Variants in COL22A1 observed in about 807,000 individuals in gnomAD.
COL22A1 encodes the protein collagen type XXII alpha 1 chain.
A neutral mutation model predicts 248.9 loss-of-function variants in COL22A1; 221 were observed. The observed-to-expected ratio is 0.89, with a 90% confidence interval of 0.80 to 0.99. The LOEUF is 0.99. Among genes scored for constraint, COL22A1 ranks in the 50% least tolerant of loss-of-function variants. The pLI, the probability that COL22A1 is intolerant of heterozygous loss-of-function variation, is 0.00. For missense variants in COL22A1, 2,240 were observed against 2,179.0 expected, an observed-to-expected ratio of 1.03 and a Z score of -0.56; for synonymous variants, 891 against 793.4, an observed-to-expected ratio of 1.12 and a Z score of -2.07.
At chr8:138,722,184 C>G in intron 25 of COL22A1, 95 bp from the exon 26 acceptor site, 1 of 1,073,336 alleles carries the variant, frequency 9.3e-7, no homozygotes, top group Non-Finnish European at 1.3e-6. Flanking sequence ...TTTTTGCAGC[C>G]AGAATGCAGG....
chr8:138,865,886 T>C (rs1176532394), intron 3 of COL22A1, among the ~76,000 whole-genome samples: 2 of 151,870 alleles, frequency 1.3e-5, no homozygotes, highest in African/African-American at 4.8e-5. Flanking sequence ...TGTGTATGTG[T>C]ATGTGTGTGC....
At chr8:138,634,027 C>T (rs1243334437) in intron 49 of COL22A1, among the ~76,000 whole-genome samples, 1 of 152,098 alleles carries the variant, frequency 6.6e-6, no homozygotes, top group Non-Finnish European at 1.5e-5. Context: ...AGATAATTTA[C>T]CTTTTTGTGA....
chr8:138,723,736 G>A (rs1469174067), intron 25 of COL22A1, among the ~76,000 whole-genome samples: 2 of 152,222 alleles, frequency 1.3e-5, no homozygotes, highest in Non-Finnish European at 2.9e-5. Context: ...AGTGCCCAGC[G>A]CGGCACTGAA....
At chr8:138,593,544 A>G (rs1191042508) in intron 63 of COL22A1, among the ~76,000 whole-genome samples, 2 of 152,156 alleles carry the variant, frequency 1.3e-5, no homozygotes, top group Non-Finnish European at 2.9e-5. Flanking sequence ...GAGTTAAATC[A>G]TATGGCCTCC....
intron 51 of COL22A1, 98 bp from the exon 52 acceptor site, chr8:138,623,883 C>T: frequency 9.9e-7 from 1 of 1,011,472 alleles, no homozygotes; most frequent in Non-Finnish European, 1.5e-6. Flanking sequence ...CAGCTTCCAG[C>T]AGTTGCCTTC....
At chr8:138,662,634 A>C (rs1199424703) in intron 42 of COL22A1, among the ~76,000 whole-genome samples, 7 of 152,114 alleles carry the variant, frequency 4.6e-5, no homozygotes, top group African/African-American at 9.7e-5. Flanking sequence ...AGTTGGTCTA[A>C]AAGTGGGAAT....
rs182500058 is a variant in COL22A1, at chr8:138,709,471, G to T, written c.2518-6124C>A. ...TACTACGCAGCCATAAAAAGGATGA[G>T]TTCATGTCCTTTGTAGGGACATGGA... On this transcript the variant is annotated intron_variant, in intron 30 of 64. Transcript: ENST00000303045. Among the ~76,000 whole-genome samples, 32 of 152,172 alleles carry T rather than the reference G, an allele frequency of 2.1e-4. No individual in the cohort carries two copies. The East Asian group carries it at 5.2e-3, about 25-fold the overall frequency.
At chr8:138,795,143 G>T (rs1449063139) in intron 12 of COL22A1, among the ~76,000 whole-genome samples, 1 of 152,106 alleles carries the variant, frequency 6.6e-6, no homozygotes, top group East Asian at 1.9e-4. Flanking sequence ...TGAGCATTTG[G>T]TTCCTGGTGC....
rs144261478 is a variant in COL22A1, at chr8:138,832,573, G to A, written c.845+466C>T. Among the ~76,000 whole-genome samples the A allele has an allele frequency of 4.8e-3, 726 of 152,146 alleles. 5 individuals are homozygous for A. The highest frequency in any genetic ancestry group is 7.4e-3 in the Non-Finnish European group (506 of 68,018). On this transcript the variant is annotated intron_variant, in intron 5 of 64. Transcript: ENST00000303045. ...TTTGGATTGAAAACATGAGAAACTC[G>A]AGGCACAAGGGCATTCAGTAATCTG...
At chr8:138,871,800 T>C (rs1823366906) in intron 3 of COL22A1, among the ~76,000 whole-genome samples, 1 of 152,230 alleles carries the variant, frequency 6.6e-6, no homozygotes, top group South Asian at 2.1e-4. Context: ...ATATAAGTTG[T>C]ATTATTTACT....
At chr8:138,910,436 C>T (rs1815374323) in intron 1 of COL22A1, among the ~76,000 whole-genome samples, 1 of 152,168 alleles carries the variant, frequency 6.6e-6, no homozygotes, top group Non-Finnish European at 1.5e-5. Flanking sequence ...CCTCATGAGA[C>T]CTATGTTTGA....
intron 51 of COL22A1, among the ~76,000 whole-genome samples, chr8:138,624,945 A>T (rs1055977501): frequency 1.3e-5 from 2 of 152,238 alleles, no homozygotes; most frequent in Admixed American, 1.3e-4. Flanking sequence ...ACAAAAGCAG[A>T]TGTAGTTCCA....
chr8:138,896,667 G>A (rs1213683463), intron 1 of COL22A1, among the ~76,000 whole-genome samples: 2 of 152,160 alleles, frequency 1.3e-5, no homozygotes, highest in Non-Finnish European at 2.9e-5. Flanking sequence ...CAAAGTGCAC[G>A]AGAAAGTTTA....
intron 4 of COL22A1, 123 bp from the exon 5 acceptor site, chr8:138,833,273 G>A (rs1259360749): frequency 1.3e-5 from 9 of 685,954 alleles, no homozygotes; most frequent in Non-Finnish European, 2.4e-5. Flanking sequence ...CAGATCGGGA[G>A]GGAGTTGTTC....
At chr8:138,866,207 G>A (rs970274167) in intron 3 of COL22A1, among the ~76,000 whole-genome samples, 7 of 152,162 alleles carry the variant, frequency 4.6e-5, no homozygotes, top group East Asian at 1.9e-4. Flanking sequence ...GAAGCATCAC[G>A]ATTAATCAAC....
At chr8:138,865,099 A>T (rs903447436) in intron 3 of COL22A1, among the ~76,000 whole-genome samples, 1 of 152,204 alleles carries the variant, frequency 6.6e-6, no homozygotes, top group Admixed American at 6.5e-5. Context: ...AGCAAAATTG[A>T]CTGGTTGGAT....
At chr8:138,691,157 T>C (rs1826818358) in intron 35 of COL22A1, among the ~76,000 whole-genome samples, 1 of 152,134 alleles carries the variant, frequency 6.6e-6, no homozygotes, top group Admixed American at 6.5e-5. Flanking sequence ...GGAGCCTGGG[T>C]GTGGGCAGAG....
At chr8:138,649,556 A>G in intron 46 of COL22A1, 109 bp downstream of exon 46, 1 of 1,511,806 alleles carries the variant, frequency 6.6e-7, no homozygotes, top group African/African-American at 1.4e-5. Context: ...TTGAATCTTG[A>G]ACCCCTCAAA....
chr8:138,645,774 C>T (rs749211804), intron 47 of COL22A1, among the ~76,000 whole-genome samples: 1 of 152,216 alleles, frequency 6.6e-6, no homozygotes, highest in African/African-American at 2.4e-5. Context: ...TTTATGCCAC[C>T]TCTTCTACCA....
Sources: gnomAD v4.1 joint callset for allele counts (sites outside exome capture counted in the v4.1 genomes callset) on GRCh38, gnomAD v4.1.1 for gene constraint, MANE v1.5 for transcripts, NCBI Gene and HGNC (gene_info 2026-07-23, HGNC 2026-07-21) for gene names.